SH3RF1: variants seen among roughly 807,000 people sequenced by gnomAD.
SH3RF1 encodes E3 ubiquitin-protein ligase SH3RF1.
SH3RF1 carries 32 observed loss-of-function variants against 74.0 expected under a neutral mutation model. That is an observed-to-expected ratio of 0.43 (90% CI 0.33 to 0.58). The LOEUF (loss-of-function observed/expected upper bound fraction) is 0.58. SH3RF1 is among the 20% of genes least tolerant of loss of function. The pLI, the probability that SH3RF1 is intolerant of heterozygous loss-of-function variation, is 0.05. For missense variants in SH3RF1, 954 were observed against 1,130.9 expected (o/e 0.84, Z 2.24); for synonymous variants, 396 against 439.6 (o/e 0.90, Z 1.24).
intron 2 of SH3RF1, chr4:169,220,196 G>C (rs1211454613): frequency 6.6e-6 from 1 of 152,096 alleles, no homozygotes; most frequent in Non-Finnish European, 1.5e-5. Flanking sequence ...GCATAATTTT[G>C]ACTGCTTTAA....
At chr4:169,125,847 T>C (rs1733515472) in intron 6 of SH3RF1, among the ~76,000 whole-genome samples, 1 of 152,250 alleles carries the variant, frequency 6.6e-6, no homozygotes, top group Non-Finnish European at 1.5e-5. Context: ...TGGTTCAAGC[T>C]ACTACATGGA....
intron 5 of SH3RF1, among the ~76,000 whole-genome samples, chr4:169,135,017 G>A (rs1206083237): frequency 6.6e-6 from 1 of 152,066 alleles, no homozygotes; most frequent in Non-Finnish European, 1.5e-5. Context: ...CTTGAAACAC[G>A]CAGTATAAAT....
chr4:169,253,879 A>G (rs1425600376), intron 2 of SH3RF1, among the ~76,000 whole-genome samples: 2 of 152,242 alleles, frequency 1.3e-5, no homozygotes, highest in African/African-American at 2.4e-5. Flanking sequence ...AACATATCAC[A>G]TATTTTAACT....
intron 2 of SH3RF1, among the ~76,000 whole-genome samples, chr4:169,253,840 C>T (rs1361233521): frequency 6.6e-6 from 1 of 152,182 alleles, no homozygotes; most frequent in Non-Finnish European, 1.5e-5. Context: ...TCCTCTATGT[C>T]AGAATGATGT....
chr4:169,205,904 A>G (rs1730250234), intron 2 of SH3RF1, among the ~76,000 whole-genome samples: 1 of 152,244 alleles, frequency 6.6e-6, no homozygotes, highest in Non-Finnish European at 1.5e-5. Context: ...TAGCCTATGA[A>G]AAAAGCAATT....
chr4:169,170,491 C>T (rs1244483651), intron 2 of SH3RF1, among the ~76,000 whole-genome samples: 2 of 152,190 alleles, frequency 1.3e-5, no homozygotes, highest in Non-Finnish European at 2.9e-5. Flanking sequence ...TTTTAAACAT[C>T]TTGCCAATAT....
chr4:169,204,709 C>A (rs1180673486), intron 2 of SH3RF1, among the ~76,000 whole-genome samples: 1 of 152,000 alleles, frequency 6.6e-6, no homozygotes, highest in Non-Finnish European at 1.5e-5. Flanking sequence ...CACTACCACG[C>A]CCGGCTAATT....
At chr4:169,262,585 T>TGAACCC (rs1381549798) in intron 2 of SH3RF1, among the ~76,000 whole-genome samples, 1 of 152,124 alleles carries the variant, frequency 6.6e-6, no homozygotes, top group Non-Finnish European at 1.5e-5. Context: ...GAGAATCGCT[T>TGAACCC]GAACCCAGGA....
chr4:169,238,903 CTATCTATAT>C (rs1730859415), intron 2 of SH3RF1, among the ~76,000 whole-genome samples: 1 of 152,142 alleles, frequency 6.6e-6, no homozygotes, highest in Non-Finnish European at 1.5e-5. Context: ...ACTTTGAAGA[CTATCTATAT>C]AAGTATTTCT....
At chr4:169,108,740 G>A (rs1733190548) in intron 10 of SH3RF1, among the ~76,000 whole-genome samples, 1 of 152,224 alleles carries the variant, frequency 6.6e-6, no homozygotes, top group Non-Finnish European at 1.5e-5. Context: ...GCTACTGTGT[G>A]CATTCTAATG....
At chr4:169,244,457 T>C (rs1025505372) in intron 2 of SH3RF1, among the ~76,000 whole-genome samples, 1 of 152,136 alleles carries the variant, frequency 6.6e-6, no homozygotes, top group Non-Finnish European at 1.5e-5. Flanking sequence ...TTCTACCCAA[T>C]TCTAGAGTTT....
At chr4:169,220,319 A>G (rs938457278) in intron 2 of SH3RF1, 2 of 152,254 alleles carry the variant, frequency 1.3e-5, no homozygotes, top group African/African-American at 4.8e-5. Context: ...TCACATGAAG[A>G]TTGAAGAAGA....
intron 2 of SH3RF1, among the ~76,000 whole-genome samples, chr4:169,229,972 G>C (rs1164284883): frequency 2.0e-5 from 3 of 147,352 alleles, no homozygotes; most frequent in Non-Finnish European, 1.5e-5. Context: ...TTAGGAGGTG[G>C]AGACGGGTGG....
chr4:169,167,341 C>T (rs372423509), intron 2 of SH3RF1, among the ~76,000 whole-genome samples: 1 of 152,082 alleles, frequency 6.6e-6, no homozygotes, highest in South Asian at 2.1e-4. Context: ...AAATGTGGAG[C>T]AACTAGAATT....
chr4:169,250,276 A>C (rs763441406), intron 2 of SH3RF1, among the ~76,000 whole-genome samples: 9 of 152,068 alleles, frequency 5.9e-5, no homozygotes, highest in Non-Finnish European at 8.8e-5. Context: ...AAAAACAGAG[A>C]TGCTGCTATG....
At chr4:169,110,205 C>T (rs970067206) in intron 10 of SH3RF1, among the ~76,000 whole-genome samples, 14 of 151,726 alleles carry the variant, frequency 9.2e-5, no homozygotes, top group Non-Finnish European at 2.1e-4. Flanking sequence ...AAGACCCCAT[C>T]TCTACCAAAA....
At chr4:169,257,678 A>G (rs576057190) in intron 2 of SH3RF1, among the ~76,000 whole-genome samples, 24 of 152,374 alleles carry the variant, frequency 1.6e-4, no homozygotes, top group African/African-American at 5.5e-4. Flanking sequence ...AAAGTGCAGG[A>G]CATTTTAATA....
intron 2 of SH3RF1, among the ~76,000 whole-genome samples, chr4:169,236,687 C>A (rs1394532262): frequency 2.6e-5 from 4 of 152,100 alleles, no homozygotes; most frequent in Admixed American, 2.6e-4. Context: ...CACTACTGTC[C>A]CCAGAAATTC....
At chr4:169,206,517 T>G (rs752074418) in intron 2 of SH3RF1, among the ~76,000 whole-genome samples, 6 of 152,098 alleles carry the variant, frequency 3.9e-5, no homozygotes, top group Non-Finnish European at 5.9e-5. Flanking sequence ...CATAAAAAAT[T>G]TTTAAAAATT....
Sources: gnomAD v4.1 joint callset for allele counts (sites outside exome capture counted in the v4.1 genomes callset) on GRCh38, gnomAD v4.1.1 for gene constraint, MANE v1.5 for transcripts, NCBI Gene and HGNC (gene_info 2026-07-23, HGNC 2026-07-21) for gene names.